The following ZFPM2 variants were observed in gnomAD, a reference collection of about 807,000 sequenced individuals.
The protein encoded by ZFPM2 is zinc finger protein ZFPM2.
ZFPM2 carries 20 observed loss-of-function variants against 98.6 expected under a neutral mutation model. That is an observed-to-expected ratio of 0.20 (90% confidence interval 0.14 to 0.29). The LOEUF (loss-of-function observed/expected upper bound fraction) is 0.29. ZFPM2 is among the 10% of genes least tolerant of loss of function. The pLI, the probability that ZFPM2 is intolerant of heterozygous loss-of-function variation, is 1.00. For missense variants in ZFPM2, 1,310 were observed against 1,388.6 expected (o/e 0.94, Z 0.90); for synonymous variants, 518 against 502.7 (o/e 1.03, Z -0.41).
chr8:105,464,109 T>G (rs1812752748), intron 3 of ZFPM2, among the ~76,000 whole-genome samples: 1 of 152,036 alleles, frequency 6.6e-6, no homozygotes, highest in African/African-American at 2.4e-5. Context: ...CTTCAGACAT[T>G]CTTGCAGAAT....
chr8:105,553,586 T>G (rs555004801), intron 3 of ZFPM2, among the ~76,000 whole-genome samples: 5 of 152,304 alleles, frequency 3.3e-5, no homozygotes, highest in Admixed American at 3.3e-4. Flanking sequence ...ACAAGCTAAT[T>G]CAGTGCTCTT....
chr8:105,359,611 T>G (rs1302365219), intron 1 of ZFPM2, among the ~76,000 whole-genome samples: 1 of 152,050 alleles, frequency 6.6e-6, no homozygotes, highest in Admixed American at 6.6e-5. Flanking sequence ...CCTGACCTCA[T>G]GATCCACCCG....
chr8:105,532,753 T>C (rs1422581709), intron 3 of ZFPM2, among the ~76,000 whole-genome samples: 1 of 152,120 alleles, frequency 6.6e-6, no homozygotes, highest in Non-Finnish European at 1.5e-5. Flanking sequence ...AATGATGTAA[T>C]TGGGGGTACA....
intron 5 of ZFPM2, among the ~76,000 whole-genome samples, chr8:105,724,185 G>A (rs997133878): frequency 2.6e-5 from 4 of 151,764 alleles, no homozygotes; most frequent in African/African-American, 7.3e-5. Context: ...TTTAATATGA[G>A]CTAAAAAAGT....
Position 105,497,294 on chromosome 8 carries a change from C to T in ZFPM2, c.301+52913C>T, listed in dbSNP as rs541400717. On this transcript the variant is annotated intron_variant, in intron 3 of 7. Transcript: ENST00000407775. ...GCCACCAAGCCTGGCCTAAGTGACTCTTAAAGCATTCTGATATCAAACCTA... is the reference window on the plus strand; with the variant it reads ...GCCACCAAGCCTGGCCTAAGTGACTTTTAAAGCATTCTGATATCAAACCTA... 2.6e-4 allele frequency among the ~76,000 whole-genome samples: 40 copies of T among 152,182 alleles called. 1 individual carries two copies. The highest frequency in any genetic ancestry group is 3.6e-4 in the African/African-American group (15 of 41,542).
At chr8:105,493,669 CCTTTTA>C (rs1310651919) in intron 3 of ZFPM2, among the ~76,000 whole-genome samples, 1 of 152,128 alleles carries the variant, frequency 6.6e-6, no homozygotes, top group African/African-American at 2.4e-5. Flanking sequence ...CAAACCATTA[CCTTTTA>C]CTTTAAACTC....
At chr8:105,454,166 C>G (rs771772729) in intron 3 of ZFPM2, among the ~76,000 whole-genome samples, 5 of 151,444 alleles carry the variant, frequency 3.3e-5, no homozygotes, top group Non-Finnish European at 5.9e-5. Flanking sequence ...GTCTCTCTCC[C>G]CCTACACTCA....
chr8:105,345,071 T>G (rs921703826), intron 1 of ZFPM2, among the ~76,000 whole-genome samples: 1 of 152,196 alleles, frequency 6.6e-6, no homozygotes, highest in African/African-American at 2.4e-5. Context: ...TGTGTACATC[T>G]TATTGATTAG....
chr8:105,356,091 GA>G (rs1812741499), intron 1 of ZFPM2, among the ~76,000 whole-genome samples: 1 of 152,152 alleles, frequency 6.6e-6, no homozygotes, highest in Non-Finnish European at 1.5e-5. Flanking sequence ...TTGTGAAAGG[GA>G]ATTGTAACAA....
chr8:105,622,081 A>G (rs929561690), intron 4 of ZFPM2, among the ~76,000 whole-genome samples: 1 of 152,022 alleles, frequency 6.6e-6, no homozygotes, highest in Non-Finnish European at 1.5e-5. Flanking sequence ...ATTATTTTAT[A>G]TATAAGGTTA....
intron 5 of ZFPM2, among the ~76,000 whole-genome samples, chr8:105,746,465 G>A (rs12550547): frequency 0.27 from 40,243 of 151,842 alleles, 5,653 homozygotes; most frequent in East Asian, 0.33. Context: ...AAATACCACA[G>A]CAATAGCAAA....
intron 3 of ZFPM2, among the ~76,000 whole-genome samples, chr8:105,530,840 G>C (rs1259920508): frequency 1.3e-5 from 2 of 152,104 alleles, no homozygotes; most frequent in Non-Finnish European, 2.9e-5. Context: ...TGCTGGACTA[G>C]GTAGTGAGCT....
intron 3 of ZFPM2, among the ~76,000 whole-genome samples, chr8:105,484,615 G>C (rs768884131): frequency 6.6e-6 from 1 of 151,946 alleles, no homozygotes; most frequent in Admixed American, 6.6e-5. Context: ...ATGAGTACAC[G>C]TCCTTAGAAT....
At chr8:105,402,464 T>A (rs1218617995) in intron 1 of ZFPM2, among the ~76,000 whole-genome samples, 1 of 152,014 alleles carries the variant, frequency 6.6e-6, no homozygotes, top group Non-Finnish European at 1.5e-5. Context: ...CCAATTGGTT[T>A]AAAAAATTTA....
At chr8:105,575,041 G>T (rs1176544832) in intron 4 of ZFPM2, among the ~76,000 whole-genome samples, 3 of 152,040 alleles carry the variant, frequency 2.0e-5, no homozygotes, top group Non-Finnish European at 2.9e-5. Flanking sequence ...CCTAGGCAGT[G>T]TTATTCTTGG....
chr8:105,704,420 C>T (rs1308518719), intron 5 of ZFPM2, among the ~76,000 whole-genome samples: 1 of 152,098 alleles, frequency 6.6e-6, no homozygotes, highest in Non-Finnish European at 1.5e-5. Context: ...TGGTATCTTA[C>T]ATTTGAAGTA....
At chr8:105,393,390 C>CTTTCTTTCTTTCTTTCT (rs1554600712) in intron 1 of ZFPM2, among the ~76,000 whole-genome samples, 1 of 134,516 alleles carries the variant, frequency 7.4e-6, no homozygotes, top group African/African-American at 2.7e-5. Context: ...TTCTTTCTTT[C>CTTTCTTTCTTTCTTTCT]TTCTTCAGAA....
At chr8:105,770,741 A>G (rs1186908337) in intron 5 of ZFPM2, among the ~76,000 whole-genome samples, 3 of 152,170 alleles carry the variant, frequency 2.0e-5, no homozygotes, top group Non-Finnish European at 4.4e-5. Context: ...CCAAAATGCA[A>G]TAGTAAAGCA....
At chr8:105,519,335 C>G (rs1814002728) in intron 3 of ZFPM2, among the ~76,000 whole-genome samples, 1 of 151,800 alleles carries the variant, frequency 6.6e-6, no homozygotes, top group South Asian at 2.1e-4. Flanking sequence ...ATGCTTAGCT[C>G]AATGCCTGAA....
Sources: gnomAD v4.1 joint callset for allele counts (sites outside exome capture counted in the v4.1 genomes callset) on GRCh38, gnomAD v4.1.1 for gene constraint, MANE v1.5 for transcripts, NCBI Gene and HGNC (gene_info 2026-07-23, HGNC 2026-07-21) for gene names.